The following COL15A1 variants were observed in gnomAD, a reference collection of about 807,000 sequenced individuals.
COL15A1 encodes the protein collagen type XV alpha 1 chain.
COL15A1 carries 111 observed loss-of-function variants against 165.9 expected under a neutral mutation model. That is an observed-to-expected ratio of 0.67 (90% CI 0.57 to 0.78). COL15A1 has a LOEUF of 0.78. COL15A1 is among the 30% of genes least tolerant of loss of function. COL15A1 has a pLI of 0.00. For missense variants in COL15A1, 1,745 were observed against 1,789.7 expected, an observed-to-expected ratio of 0.98 and a Z score of 0.45; for synonymous variants, 659 against 674.8, an observed-to-expected ratio of 0.98 and a Z score of 0.36.
At chr9:99,018,784 T>G (rs1270924799) in intron 11 of COL15A1, among the ~76,000 whole-genome samples, 2 of 152,230 alleles carry the variant, frequency 1.3e-5, no homozygotes, top group Non-Finnish European at 2.9e-5. Context: ...TATTGTGTGG[T>G]TAACTATTTA....
intron 2 of COL15A1, among the ~76,000 whole-genome samples, chr9:98,951,584 G>T (rs1272908340): frequency 6.6e-6 from 1 of 152,052 alleles, no homozygotes; most frequent in Non-Finnish European, 1.5e-5. Flanking sequence ...ATTATTTTTT[G>T]GGACAGGGTC....
chr9:99,064,765 G>A (rs779130859), intron 39 of COL15A1, among the ~76,000 whole-genome samples: 21 of 152,174 alleles, frequency 1.4e-4, no homozygotes, highest in Non-Finnish European at 2.6e-4. Flanking sequence ...AAAGCATTTA[G>A]TAGCCAAAAA....
At chr9:99,055,524 T>A (rs1357363085) in intron 34 of COL15A1, 152 bp downstream of exon 34, 6 of 614,636 alleles carry the variant, frequency 9.8e-6, no homozygotes, top group Non-Finnish European at 1.2e-5. Context: ...CCTTGTTGAT[T>A]GATGGGCAGG....
intron 2 of COL15A1, among the ~76,000 whole-genome samples, chr9:98,960,867 G>C: frequency 6.6e-6 from 1 of 152,210 alleles, no homozygotes; most frequent in Non-Finnish European, 1.5e-5. Flanking sequence ...AGCATTGCTT[G>C]TATTGGGTTT....
chr9:98,990,103 GC>G (rs1270151067), intron 5 of COL15A1, among the ~76,000 whole-genome samples: 1 of 152,216 alleles, frequency 6.6e-6, no homozygotes, highest in Non-Finnish European at 1.5e-5. Flanking sequence ...GCAGGGCTGT[GC>G]ATGCAGCAGA....
chr9:98,973,235 CAAGAGAGA>C (rs1211394646), intron 2 of COL15A1, among the ~76,000 whole-genome samples: 1 of 150,216 alleles, frequency 6.7e-6, no homozygotes, highest in African/African-American at 2.5e-5. Flanking sequence ...AACAAGAGAG[CAAGAGAGA>C]AAGAGAGAGA....
chr9:98,990,950 T>C (rs190435749), intron 5 of COL15A1, among the ~76,000 whole-genome samples: 1 of 152,294 alleles, frequency 6.6e-6, no homozygotes, highest in Admixed American at 6.5e-5. Context: ...TTCTTCCTTC[T>C]GGTGGGTTCC....
chr9:99,022,925 G>A (rs12552765), intron 13 of COL15A1, among the ~76,000 whole-genome samples: 17,910 of 152,260 alleles, frequency 0.12, 1,253 homozygotes, highest in East Asian at 0.3. Context: ...GCTGGCTCTT[G>A]AGCCCTAGTT....
intron 9 of COL15A1, among the ~76,000 whole-genome samples, chr9:99,015,001 T>A (rs934891486): frequency 6.6e-6 from 1 of 152,194 alleles, no homozygotes; most frequent in Non-Finnish European, 1.5e-5. Flanking sequence ...GGAATTTCCT[T>A]ATGGACAAAT....
intron 10 of COL15A1, 26 bp from the exon 11 acceptor site, chr9:99,015,950 T>G (rs1286164043): frequency 1.2e-6 from 2 of 1,609,176 alleles, no homozygotes; most frequent in African/African-American, 2.7e-5. Context: ...GGTGAGGTGG[T>G]GCCTTAATGC....
rs1296331325 is a variant in COL15A1, at chr9:99,050,731, G to A, written c.2904+836G>A. Among the ~76,000 whole-genome samples, 5 of 152,346 alleles carry A rather than the reference G, an allele frequency of 3.3e-5. No homozygotes were observed. In the East Asian group the frequency reaches 9.6e-4, roughly 29 times the overall value. ...ACACAACGGTGAACTAGACGGATGT[G>A]GCCTCTGCTCTCAGGAGCTTGCAAA... On this transcript the variant is annotated intron_variant, in intron 30 of 41. Transcript: ENST00000375001.
Position 99,015,431 on chromosome 9 carries a change from A to T in COL15A1, c.1368A>T (p.Glu456Asp). Residue 456 changes from glutamate (E) to aspartate (D), a missense_variant, in exon 10 of 42, where the codon GAA (glutamate) becomes GAT (aspartate). Glu to Asp is a conservative substitution (Grantham distance 45). Transcript: ENST00000375001. ...GEEATVGPSS[E>D]DSLTTAAAAT... ...TTTCATTTCAGGGTCCAAGCAGTGA[A>T]GACAGTTTAACAACAGCTGCAGCTG... 1 of 1,608,776 alleles carries T rather than the reference A, an allele frequency of 6.2e-7. No homozygotes were observed. The highest frequency in any genetic ancestry group is 8.5e-7 in the Non-Finnish European group (1 of 1,176,172).
At chr9:99,059,364 C>T (rs1045521180) in intron 35 of COL15A1, among the ~76,000 whole-genome samples, 5 of 151,748 alleles carry the variant, frequency 3.3e-5, no homozygotes, top group African/African-American at 4.8e-5. Context: ...GCTGTTTCCT[C>T]GAGATCACAC....
At chr9:99,061,346 A>G (rs1324759105) in intron 36 of COL15A1, among the ~76,000 whole-genome samples, 2 of 152,264 alleles carry the variant, frequency 1.3e-5, no homozygotes, top group Non-Finnish European at 2.9e-5. Context: ...ATTTGATGCT[A>G]TTCAATAGAT....
At chr9:99,051,078 C>G (rs577187334) in intron 30 of COL15A1, among the ~76,000 whole-genome samples, 12 of 152,274 alleles carry the variant, frequency 7.9e-5, no homozygotes, top group African/African-American at 2.6e-4. Context: ...CCTGGGCAGT[C>G]GCTGCATCCC....
In COL15A1 at chr9:98,989,124, C is replaced by T. The variant is rs530693825; in HGVS notation, c.724-54C>T. The T allele has an allele frequency of 3.4e-5, 49 of 1,430,492 alleles. No individual in the cohort carries two copies. The African/African-American group carries it at 5.9e-4, about 17-fold the overall frequency. The allele number at this position is 1,430,492 out of a possible 1,614,324, so 88.6% of individuals were successfully genotyped here. On this transcript the variant is annotated intron_variant, in intron 4 of 41. Coordinates refer to ENST00000375001, the MANE Select transcript of COL15A1 (RefSeq NM_001855.5). ...CTGTAACTTTCCCAGTCATCCAACT[C>T]TTATGGGCCCTGCCCGCTCTGCCCG...
At chr9:98,966,809 A>G (rs1200274239) in intron 2 of COL15A1, among the ~76,000 whole-genome samples, 1 of 152,246 alleles carries the variant, frequency 6.6e-6, no homozygotes, top group Non-Finnish European at 1.5e-5. Flanking sequence ...ATATCTCAAC[A>G]GTGGGGATCA....
chr9:99,026,148 G>A lies in COL15A1; in HGVS notation c.2043+182G>A, dbSNP rs74963882. ...CTCATCATGCCCAAGCCTGAACTCA[G>A]CACCTTCCCTGCCCACTCTTGTCTG... On this transcript the variant is annotated intron_variant, in intron 16 of 41. Transcript: ENST00000375001. Among the ~76,000 whole-genome samples the A allele has an allele frequency of 1.8e-3, 274 of 152,278 alleles. 2 individuals are homozygous for A. The highest frequency in any genetic ancestry group is 6.4e-3 in the African/African-American group (265 of 41,558).
At chr9:99,053,188 C>A (rs74483774) in intron 31 of COL15A1, among the ~76,000 whole-genome samples, 1 of 152,218 alleles carries the variant, frequency 6.6e-6, no homozygotes, top group Non-Finnish European at 1.5e-5. Context: ...CACCCTGTCA[C>A]GCCACTTGGG....
Sources: allele counts gnomAD v4.1 joint callset (sites outside exome capture counted in the v4.1 genomes callset), GRCh38; gene constraint gnomAD v4.1.1; transcripts MANE v1.5; gene names NCBI Gene and HGNC (gene_info 2026-07-23, HGNC 2026-07-21).